PAK5: variants seen among roughly 807,000 people sequenced by gnomAD.
PAK5 encodes the protein serine/threonine-protein kinase PAK 5.
A neutral mutation model predicts 65.9 loss-of-function variants in PAK5; 16 were observed. The ratio of observed to expected loss-of-function variants is 0.24; its 90% CI spans 0.16 to 0.37. PAK5 has a LOEUF of 0.37. Ranked by LOEUF, PAK5 falls within the 10% of genes least tolerant of loss-of-function variation. PAK5 has a pLI of 1.00. For missense variants in PAK5, 785 were observed against 903.9 expected (o/e 0.87, Z 1.69); for synonymous variants, 371 against 354.9 (o/e 1.05, Z -0.51).
At chr20:9,826,872 T>A (rs532183410) in intron 1 of PAK5, among the ~76,000 whole-genome samples, 62 of 152,268 alleles carry the variant, frequency 4.1e-4, no homozygotes, top group African/African-American at 1.4e-3. Flanking sequence ...AATAGAGCAG[T>A]AGGTGTTAAG....
chr20:9,616,523 T>C (rs748552284), intron 3 of PAK5, among the ~76,000 whole-genome samples: 8 of 152,198 alleles, frequency 5.3e-5, no homozygotes, highest in Non-Finnish European at 1.0e-4. Flanking sequence ...CTTTAACACA[T>C]ATATACATCC....
intron 1 of PAK5, among the ~76,000 whole-genome samples, chr20:9,719,972 C>T (rs373923407): frequency 3.3e-5 from 5 of 152,140 alleles, no homozygotes; most frequent in African/African-American, 7.2e-5. Context: ...TAAAAGATAA[C>T]AGTTTACAAC....
chr20:9,675,195 C>CA (rs1220051949), intron 2 of PAK5, among the ~76,000 whole-genome samples: 2 of 151,760 alleles, frequency 1.3e-5, no homozygotes, highest in Non-Finnish European at 2.9e-5. Flanking sequence ...ATATATATGA[C>CA]AAAAAATAAA....
chr20:9,717,840 A>G (rs1387120399), intron 1 of PAK5, among the ~76,000 whole-genome samples: 1 of 152,130 alleles, frequency 6.6e-6, no homozygotes, highest in Non-Finnish European at 1.5e-5. Context: ...GGCTGGTCTC[A>G]AACTCCTGAC....
At chr20:9,798,912 A>G (rs1233393199) in intron 1 of PAK5, among the ~76,000 whole-genome samples, 1 of 152,168 alleles carries the variant, frequency 6.6e-6, no homozygotes, top group Non-Finnish European at 1.5e-5. Flanking sequence ...TATAGGACAC[A>G]GCAATATTTT....
intron 1 of PAK5, among the ~76,000 whole-genome samples, chr20:9,834,036 A>G (rs1978952167): frequency 6.6e-6 from 1 of 152,166 alleles, no homozygotes; most frequent in Non-Finnish European, 1.5e-5. Context: ...CATTACTGAA[A>G]TTTTGTACTA....
chr20:9,762,289 G>A lies in PAK5; in HGVS notation c.-161-50854C>T, dbSNP rs190933963. The stretch of plus-strand genomic sequence containing the variant: ...GACTACATCAAATTAAAATGCTTCT[G>A]CATAGCAAAGGAAACAATTAACAAA... On this transcript the variant is annotated intron_variant, in intron 1 of 9. Transcript: ENST00000353224. Among the ~76,000 whole-genome samples the A allele has an allele frequency of 5.3e-5, 8 of 152,190 alleles. No homozygotes were observed. The East Asian group carries it at 9.7e-4, about 18-fold the overall frequency.
At chr20:9,786,647 T>C (rs573955330) in intron 1 of PAK5, among the ~76,000 whole-genome samples, 1 of 152,086 alleles carries the variant, frequency 6.6e-6, no homozygotes, top group Non-Finnish European at 1.5e-5. Context: ...TGATTTTATG[T>C]CATACCGTTA....
At chr20:9,650,388 G>C (rs1186856735) in intron 2 of PAK5, among the ~76,000 whole-genome samples, 1 of 152,118 alleles carries the variant, frequency 6.6e-6, no homozygotes, top group Admixed American at 6.5e-5. Context: ...CCTTGTCTTT[G>C]GTTTCTAGGG....
chr20:9,731,782 C>T (rs2048337770), intron 1 of PAK5, among the ~76,000 whole-genome samples: 1 of 152,040 alleles, frequency 6.6e-6, no homozygotes, highest in Non-Finnish European at 1.5e-5. Flanking sequence ...AAGTACTTTG[C>T]AAGTAGACGA....
chr20:9,826,018 T>G (rs1402531856), intron 1 of PAK5, among the ~76,000 whole-genome samples: 1 of 151,612 alleles, frequency 6.6e-6, no homozygotes, highest in East Asian at 1.9e-4. Context: ...CAGTAGGGAG[T>G]GATGGGGACT....
chr20:9,807,047 C>T (rs989696600), intron 1 of PAK5, among the ~76,000 whole-genome samples: 5 of 152,146 alleles, frequency 3.3e-5, no homozygotes, highest in South Asian at 2.1e-4. Flanking sequence ...TCTGTCATCA[C>T]ATCTCCTCTG....
intron 1 of PAK5, among the ~76,000 whole-genome samples, chr20:9,766,349 T>TTGAATATATATATTC (rs1322908430): frequency 2.3e-5 from 1 of 43,120 alleles, no homozygotes; most frequent in Non-Finnish European, 4.2e-5. Flanking sequence ...TATATTCTAC[T>TTGAATATATATATTC]TACTTGAATA....
chr20:9,571,884 G>GC (rs1331001722), intron 4 of PAK5, among the ~76,000 whole-genome samples: 1 of 138,124 alleles, frequency 7.2e-6, no homozygotes, highest in Non-Finnish European at 1.6e-5. Context: ...TGGGGGGGGG[G>GC]GATGTGGTCT....
intron 1 of PAK5, among the ~76,000 whole-genome samples, chr20:9,758,203 T>C (rs868124898): frequency 4.6e-5 from 7 of 152,196 alleles, no homozygotes; most frequent in South Asian, 2.1e-4. Flanking sequence ...AATAATAGTG[T>C]TGCTAAGTCA....
chr20:9,591,568 T>C (rs907308980), intron 3 of PAK5, among the ~76,000 whole-genome samples: 5 of 151,136 alleles, frequency 3.3e-5, no homozygotes, highest in Middle Eastern at 3.4e-3. Flanking sequence ...TGAAAATTCT[T>C]TCTCTATAAC....
At position 9,565,905 on chromosome 20, in the gene PAK5, C is replaced by A. The variant is rs2122991528; in HGVS notation, c.1470G>T (p.Leu490=). ...MDLRKQQRRE[L]LFNEVVIMRD... ...ACACACTCTTTACCTCATTGAAAAG[C>A]AGTTCTCGTCTCTGTTGCTTCCGGA... is the stretch of plus-strand genomic sequence containing the variant. The change falls in exon 5 of 10, where the codon CTG becomes CTT. Residue 490 remains leucine, a synonymous_variant. Coordinates refer to ENST00000353224, the MANE Select transcript of PAK5 (RefSeq NM_177990.4). The A allele has an allele frequency of 6.2e-7, 1 of 1,612,060 alleles. No homozygotes were observed. Among genetic ancestry groups the A allele is most frequent in the Non-Finnish European group, 8.5e-7 (1 of 1,178,702 alleles).
intron 1 of PAK5, among the ~76,000 whole-genome samples, chr20:9,728,763 GTT>G (rs71184155): frequency 0.024 from 3,557 of 147,220 alleles, 104 homozygotes; most frequent in African/African-American, 0.072. Context: ...TCCTAGATCT[GTT>G]TTTTTTTTTT....
intron 1 of PAK5, among the ~76,000 whole-genome samples, chr20:9,761,075 T>C (rs140118745): frequency 4.5e-4 from 69 of 152,282 alleles, no homozygotes; most frequent in African/African-American, 1.6e-3. Flanking sequence ...CATTTCAGAG[T>C]AGACAAATAT....
Sources: gnomAD v4.1 joint callset for allele counts (sites outside exome capture counted in the v4.1 genomes callset) on GRCh38, gnomAD v4.1.1 for gene constraint, MANE v1.5 for transcripts, NCBI Gene and HGNC (gene_info 2026-07-23, HGNC 2026-07-21) for gene names.